The following CNTN5 variants were observed in gnomAD, a reference collection of about 807,000 sequenced individuals.
CNTN5 encodes contactin 5.
In CNTN5, 77 loss-of-function variants were observed where a neutral mutation model predicts 129.1. That is an observed-to-expected ratio of 0.60 (90% CI 0.50 to 0.72). The LOEUF (loss-of-function observed/expected upper bound fraction) is 0.72. CNTN5 is among the 30% of genes least tolerant of loss of function. CNTN5 has a pLI of 0.00. For synonymous variants in CNTN5, 509 were observed against 465.6 expected (o/e 1.09, Z -1.20); for missense variants, 1,478 against 1,328.8 (o/e 1.11, Z -1.75).
At chr11:100,170,891 A>C (rs1947804342) in intron 13 of CNTN5, among the ~76,000 whole-genome samples, 1 of 82,606 alleles carries the variant, frequency 1.2e-5, no homozygotes, top group Non-Finnish European at 2.2e-5. Flanking sequence ...CCTGAAACAA[A>C]AACAAAAAAA....
At chr11:99,855,767 A>G (rs550722467) in intron 6 of CNTN5, among the ~76,000 whole-genome samples, 1 of 152,218 alleles carries the variant, frequency 6.6e-6, no homozygotes, top group Non-Finnish European at 1.5e-5. Flanking sequence ...AGAAAAATTT[A>G]GAGTCTGCAC....
intron 9 of CNTN5, among the ~76,000 whole-genome samples, chr11:100,048,341 C>T (rs547278241): frequency 5.9e-5 from 9 of 152,084 alleles, no homozygotes; most frequent in Non-Finnish European, 1.3e-4. Context: ...GACTGGATTA[C>T]ATCAAAAGCT....
intron 9 of CNTN5, among the ~76,000 whole-genome samples, chr11:100,051,539 G>GA (rs769010056): frequency 1.2e-4 from 18 of 151,872 alleles, no homozygotes; most frequent in Admixed American, 3.9e-4. Context: ...AAAATTTAAT[G>GA]ATCTAAACTT....
chr11:100,224,139 G>A (rs1327584439), intron 15 of CNTN5, among the ~76,000 whole-genome samples: 2 of 152,088 alleles, frequency 1.3e-5, no homozygotes, highest in Non-Finnish European at 2.9e-5. Context: ...TGATGGTAGT[G>A]GTTATGGGAG....
At chr11:100,293,525 C>T (rs1384346902) in intron 18 of CNTN5, among the ~76,000 whole-genome samples, 1 of 151,768 alleles carries the variant, frequency 6.6e-6, no homozygotes, top group East Asian at 1.9e-4. Flanking sequence ...TCACCACTTT[C>T]TCTTTTTCGA....
chr11:99,353,598 C>CT (rs1277813430), intron 2 of CNTN5, among the ~76,000 whole-genome samples: 26 of 152,210 alleles, frequency 1.7e-4, no homozygotes, highest in Admixed American at 1.6e-3. Context: ...TCAGATTTAA[C>CT]TTTGCATATG....
At chr11:99,615,694 C>T (rs992445025) in intron 3 of CNTN5, among the ~76,000 whole-genome samples, 88 of 151,910 alleles carry the variant, frequency 5.8e-4, no homozygotes, top group African/African-American at 1.9e-3. Context: ...TATAGTACAA[C>T]ATCACATTCA....
intron 17 of CNTN5, among the ~76,000 whole-genome samples, chr11:100,262,938 TAAAA>T (rs924299163): frequency 6.6e-6 from 1 of 151,872 alleles, no homozygotes; most frequent in Non-Finnish European, 1.5e-5. Context: ...TAAAGTATAA[TAAAA>T]AAAAGAAAAT....
intron 1 of CNTN5, among the ~76,000 whole-genome samples, chr11:99,311,094 A>G (rs887722563): frequency 2.6e-5 from 4 of 152,092 alleles, no homozygotes; most frequent in African/African-American, 9.6e-5. Context: ...ACGCCCGGAT[A>G]ATTTTTGTAT....
At chr11:100,001,598 A>C (rs180723833) in intron 8 of CNTN5, among the ~76,000 whole-genome samples, 1 of 152,340 alleles carries the variant, frequency 6.6e-6, no homozygotes, top group Admixed American at 6.5e-5. Context: ...ACAACTGATT[A>C]ATCTTTTGTT....
At chr11:99,322,860 A>G (rs1340827595) in intron 1 of CNTN5, among the ~76,000 whole-genome samples, 3 of 152,216 alleles carry the variant, frequency 2.0e-5, no homozygotes. Context: ...CTATTTTTCC[A>G]TCTGTAAAGT....
At chr11:100,008,882 C>A (rs1940347193) in intron 9 of CNTN5, among the ~76,000 whole-genome samples, 1 of 152,064 alleles carries the variant, frequency 6.6e-6, no homozygotes, top group Non-Finnish European at 1.5e-5. Context: ...TGTTAGAATA[C>A]TGGTTCATTG....
At chr11:99,109,067 T>A (rs1857654466) in intron 1 of CNTN5, among the ~76,000 whole-genome samples, 1 of 151,760 alleles carries the variant, frequency 6.6e-6, no homozygotes. Context: ...ATACACATAG[T>A]GTATGTACAT....
chr11:100,337,046 A>G, intron 21 of CNTN5: 1 of 1,046,936 alleles, frequency 9.6e-7, no homozygotes, highest in Non-Finnish European at 1.5e-6. Flanking sequence ...GAAGTGTTCA[A>G]AATTGGCAAT....
At chr11:100,236,082 C>G (rs1177983315) in intron 16 of CNTN5, among the ~76,000 whole-genome samples, 1 of 152,182 alleles carries the variant, frequency 6.6e-6, no homozygotes, top group Admixed American at 6.5e-5. Context: ...AACCTGGAGT[C>G]CATATAACCT....
chr11:99,792,573 G>GTGTGTGTGTGTCTGTCTGTCTGTC (rs34622017), intron 3 of CNTN5, among the ~76,000 whole-genome samples: 1 of 116,614 alleles, frequency 8.6e-6, no homozygotes, highest in African/African-American at 3.7e-5. Flanking sequence ...GTGTGTGTGT[G>GTGTGTGTGTGTCTGTCTGTCTGTC]TGTCTGTCTG....
chr11:99,086,984 G>T (rs2135302997), intron 1 of CNTN5, among the ~76,000 whole-genome samples: 1 of 152,234 alleles, frequency 6.6e-6, no homozygotes, highest in South Asian at 2.1e-4. Flanking sequence ...ATGGAGGGTT[G>T]GAGAAGTTCA....
chr11:99,957,539 C>G (rs1343723998), intron 8 of CNTN5, among the ~76,000 whole-genome samples: 1 of 152,104 alleles, frequency 6.6e-6, no homozygotes, highest in Non-Finnish European at 1.5e-5. Flanking sequence ...GTATTGCCAT[C>G]TATCCAAAGT....
intron 3 of CNTN5, among the ~76,000 whole-genome samples, chr11:99,770,974 C>A (rs888871481): frequency 6.6e-6 from 1 of 151,850 alleles, no homozygotes; most frequent in African/African-American, 2.4e-5. Flanking sequence ...CAACAGAGAT[C>A]CCAGAGGTAA....
Sources: gnomAD v4.1 joint callset for allele counts (sites outside exome capture counted in the v4.1 genomes callset) on GRCh38, gnomAD v4.1.1 for gene constraint, MANE v1.5 for transcripts, NCBI Gene and HGNC (gene_info 2026-07-23, HGNC 2026-07-21) for gene names.